The following MS4A4E variants were observed in gnomAD, a reference collection of about 807,000 sequenced individuals.
MS4A4E encodes membrane spanning 4-domains A4E, also known as putative membrane-spanning 4-domains subfamily A member 4E.
In MS4A4E, 23 loss-of-function variants were observed where a neutral mutation model predicts 13.3. That is an observed-to-expected ratio of 1.73 (90% CI 1.25 to 2.45). The LOEUF is 2.45. MS4A4E is among the 30% of genes most tolerant of loss of function. MS4A4E has a pLI of 0.00. For synonymous variants in MS4A4E, 36 were observed against 45.6 expected (o/e 0.79, Z 0.85); for missense variants, 144 against 131.2 (o/e 1.10, Z -0.48).
chr11:60,242,687 C>T (rs2084565673), intron 1 of MS4A4E, among the ~76,000 whole-genome samples: 1 of 152,206 alleles, frequency 6.6e-6, no homozygotes, highest in Non-Finnish European at 1.5e-5. Context: ...ACAAAAGTAA[C>T]TAAAACAACT....
intron 5 of MS4A4E, among the ~76,000 whole-genome samples, chr11:60,212,067 T>G (rs1388060338): frequency 2.0e-5 from 3 of 152,164 alleles, no homozygotes; most frequent in African/African-American, 7.2e-5. Context: ...TTACAAAATG[T>G]TGTGTAAGTG....
chr11:60,241,622 C>T (rs745581850), intron 1 of MS4A4E, among the ~76,000 whole-genome samples: 98 of 152,110 alleles, frequency 6.4e-4, no homozygotes, highest in Non-Finnish European at 1.8e-4. Flanking sequence ...ATAACTGCCT[C>T]CTATCTTTAC....
intron 3 of MS4A4E, among the ~76,000 whole-genome samples, chr11:60,221,491 T>C (rs2084269699): frequency 1.3e-5 from 2 of 152,228 alleles, no homozygotes; most frequent in African/African-American, 4.8e-5. Flanking sequence ...TGTTTACAGA[T>C]GGCTCTGCAC....
At chr11:60,242,753 A>G (rs890215120) in intron 1 of MS4A4E, among the ~76,000 whole-genome samples, 2 of 152,150 alleles carry the variant, frequency 1.3e-5, no homozygotes, top group African/African-American at 2.4e-5. Context: ...CATCAACTGT[A>G]GCGAAGACTG....
At chr11:60,210,265 T>G (rs2084102608) in intron 5 of MS4A4E, among the ~76,000 whole-genome samples, 1 of 152,204 alleles carries the variant, frequency 6.6e-6, no homozygotes, top group Non-Finnish European at 1.5e-5. Context: ...GGACTGATTG[T>G]GCAGGTGCCC....
intron 3 of MS4A4E, among the ~76,000 whole-genome samples, chr11:60,220,427 G>T (rs2084255556): frequency 6.6e-6 from 1 of 152,182 alleles, no homozygotes; most frequent in Non-Finnish European, 1.5e-5. Flanking sequence ...TTTACCTTCA[G>T]CTGGCAAGAC....
chr11:60,209,548 T>C (rs532396302), intron 5 of MS4A4E, among the ~76,000 whole-genome samples: 2 of 152,224 alleles, frequency 1.3e-5, no homozygotes, highest in Non-Finnish European at 2.9e-5. Flanking sequence ...TAAATGATTT[T>C]ATATGGTTCT....
Position 60,242,918 on chromosome 11 carries a change from A to G in MS4A4E, c.-17+40T>C, listed in dbSNP as rs1590735687. The G allele has an allele frequency of 9.7e-6, 14 of 1,446,362 alleles. No homozygotes were observed. In the South Asian group the frequency reaches 1.1e-4, roughly 11 times the overall value. The allele number at this position is 1,446,362 out of a possible 1,614,324, so 89.6% of individuals were successfully genotyped here. A position where few individuals can be genotyped will look rare whatever the true frequency, so the allele number is the denominator to read the frequency against. ...CTAAACCCAGGAAATGAAACAAACT[A>G]TCAGTCCGAGAGCCTAGGAAGGCAA... On this transcript the variant is annotated intron_variant, in intron 1 of 8. Transcript: ENST00000651255.
Position 60,219,899 on chromosome 11 carries a change from C to T in MS4A4E, c.179-5285G>A, listed in dbSNP as rs192412009. Among the ~76,000 whole-genome samples the T allele has an allele frequency of 2.6e-4, 39 of 152,264 alleles. 1 individual carries two copies. The highest frequency in any genetic ancestry group is 1.5e-3 in the Admixed American group (23 of 15,296). ...AATTAATGGAGCTTTAGCTCAGGTT[C>T]AACTTACAGTGGCTCCAGTGGGTCC... On this transcript the variant is annotated intron_variant, in intron 3 of 8. Transcript: ENST00000651255.
At chr11:60,225,984 C>T (rs769800557) in intron 3 of MS4A4E, among the ~76,000 whole-genome samples, 1 of 151,660 alleles carries the variant, frequency 6.6e-6, no homozygotes, top group African/African-American at 2.4e-5. Context: ...CACTACAGTT[C>T]CCATAGTAAT....
chr11:60,204,418 A>G (rs1326680833), intron 8 of MS4A4E, among the ~76,000 whole-genome samples: 1 of 152,138 alleles, frequency 6.6e-6, no homozygotes, highest in Non-Finnish European at 1.5e-5. Context: ...AATTACATCA[A>G]CTCAACTAGA....
intron 5 of MS4A4E, among the ~76,000 whole-genome samples, chr11:60,211,976 A>C (rs1391956831): frequency 3.3e-5 from 5 of 152,176 alleles, no homozygotes; most frequent in African/African-American, 4.8e-5. Flanking sequence ...TAAATTGTGC[A>C]TTTTAGTCTG....
intron 1 of MS4A4E, among the ~76,000 whole-genome samples, chr11:60,231,126 G>T (rs2134963889): frequency 6.6e-6 from 1 of 152,248 alleles, no homozygotes; most frequent in South Asian, 2.1e-4. Flanking sequence ...ATTGATTAAA[G>T]TTGGGAGAAG....
At chr11:60,234,645 G>A (rs772887712) in intron 1 of MS4A4E, among the ~76,000 whole-genome samples, 17 of 151,924 alleles carry the variant, frequency 1.1e-4, no homozygotes, top group South Asian at 1.0e-3. Flanking sequence ...CCAGCCTCTA[G>A]AACTATAAGA....
intron 3 of MS4A4E, among the ~76,000 whole-genome samples, chr11:60,216,958 CT>C (rs2084203058): frequency 6.6e-6 from 1 of 152,180 alleles, no homozygotes; most frequent in South Asian, 2.1e-4. Context: ...AGAACCCTGA[CT>C]ATCCTATTAG....
chr11:60,224,353 T>A (rs970059189), intron 3 of MS4A4E, among the ~76,000 whole-genome samples: 10 of 152,358 alleles, frequency 6.6e-5, no homozygotes, highest in Middle Eastern at 3.4e-3. Flanking sequence ...TGATAGTCAG[T>A]AGACTCTATA....
At position 60,200,311 on chromosome 11, in the gene MS4A4E, T is replaced by C. The variant is rs141677087; in HGVS notation, c.*1232A>G. ...ATTTATTTATTTATTTAATTTTTTA[T>C]TGACCATTCTTGGGTGTTTCTCACA... On this transcript the variant is annotated 3_prime_UTR_variant, in exon 9 of 9. Transcript: ENST00000651255. Among the ~76,000 whole-genome samples, 1,346 of 151,950 alleles carry C rather than the reference T, an allele frequency of 8.9e-3. 10 individuals carry two copies. The highest frequency in any genetic ancestry group is 0.013 in the Non-Finnish European group (863 of 67,980).
chr11:60,208,568 C>G (rs1195815826), intron 6 of MS4A4E, 25 bp downstream of exon 6: 1 of 858,118 alleles, frequency 1.2e-6, no homozygotes, highest in African/African-American at 1.7e-5. Flanking sequence ...AATACAGATA[C>G]CTTCAAATGA....
rs574672039 is a variant in MS4A4E at position 60,212,039 on chromosome 11, A to G, written c.381+935T>C. 1.6e-4 allele frequency among the ~76,000 whole-genome samples: 25 copies of G among 152,328 alleles called. No homozygotes were observed. In the South Asian group the frequency reaches 5.2e-3, roughly 32 times the overall value. ...CCACACTTACCCAATGGCCCAAAAC[A>G]TCAAGAACTTTTATTACTTACAAAA... On this transcript the variant is annotated intron_variant, in intron 5 of 8. Transcript: ENST00000651255.
Sources: allele counts gnomAD v4.1 joint callset (sites outside exome capture counted in the v4.1 genomes callset), GRCh38; gene constraint gnomAD v4.1.1; transcripts MANE v1.5; gene names NCBI Gene and HGNC (gene_info 2026-07-23, HGNC 2026-07-21).